The following LMX1B variants were observed in gnomAD, a reference collection of about 807,000 sequenced individuals.
LMX1B encodes the protein LIM homeobox transcription factor 1 beta, also known as LIM homeobox transcription factor 1-beta.
Under a neutral mutation model 51.4 loss-of-function variants are expected in LMX1B, and 12 were observed. The ratio of observed to expected loss-of-function variants is 0.23; its 90% CI spans 0.15 to 0.38. The LOEUF (loss-of-function observed/expected upper bound fraction) is 0.38, where lower values mean the gene tolerates loss of function less well. Ranked by LOEUF, LMX1B falls within the 10% of genes least tolerant of loss-of-function variation. The pLI, the probability that LMX1B is intolerant of heterozygous loss-of-function variation, is 1.00. For synonymous variants in LMX1B, 237 were observed against 235.4 expected, an observed-to-expected ratio of 1.01 and a Z score of -0.06; for missense variants, 445 against 571.1, an observed-to-expected ratio of 0.78 and a Z score of 2.25.
At position 126,615,732 on chromosome 9, in the gene LMX1B, C is replaced by G. The variant is rs1221208513; in HGVS notation, c.326+163C>G. ...CTGCGCGTCTTGGGGCTGGGGCGGA[C>G]CAGCCCAGCCCAGCGGGCACTGATG... On this transcript the variant is annotated intron_variant, in intron 2 of 7. Transcript: ENST00000373474. The surrounding 1 kb of genome is among the most constrained non-coding windows in gnomAD (Gnocchi z 6.0). 6.6e-6 allele frequency among the ~76,000 whole-genome samples: 1 copy of G among 152,006 alleles called. No homozygotes were observed. Among genetic ancestry groups the G allele is most frequent in the African/African-American group, 2.4e-5 (1 of 41,416 alleles).
At chr9:126,670,859 C>T (rs10118627) in intron 2 of LMX1B, among the ~76,000 whole-genome samples, 11,130 of 152,234 alleles carry the variant, frequency 0.073, 1,346 homozygotes, top group African/African-American at 0.25. Context: ...AGTCGCAGTT[C>T]CCAAGAACCC....
Position 126,691,252 on chromosome 9 carries a change from A to G in LMX1B, c.559+184A>G, listed in dbSNP as rs1175688739. Among the ~76,000 whole-genome samples the G allele has an allele frequency of 2.6e-5, 4 of 152,116 alleles. No individual in the cohort carries two copies. The East Asian group carries it at 5.8e-4, about 22-fold the overall frequency. On this transcript the variant is annotated intron_variant, in intron 3 of 7. Coordinates refer to ENST00000373474, the MANE Select transcript of LMX1B (RefSeq NM_001174147.2). ...CCACCTGTGTGCACATGATACGAAC[A>G]TGCATCCCCCCAGGCACACTACCCC...
At chr9:126,621,098 AAAAT>A (rs1835402411) in intron 2 of LMX1B, among the ~76,000 whole-genome samples, 2 of 152,198 alleles carry the variant, frequency 1.3e-5, no homozygotes, top group Non-Finnish European at 2.9e-5. Context: ...GAGTTTCTAA[AAAAT>A]AAAGAAAAGG....
rs539193509 is a variant in LMX1B, at chr9:126,625,188, G to C, written c.326+9619G>C. ...ACCCCTTCCGAGGACGGCGGGAAGA[G>C]GGGGCTCCGGCCCTGTAGCCCCCTG... On this transcript the variant is annotated intron_variant, in intron 2 of 7. Transcript: ENST00000373474. This position sits in a 1 kb window ranked among gnomAD's most constrained non-coding sequence, Gnocchi z 5.3. 6.6e-6 allele frequency among the ~76,000 whole-genome samples: 1 copy of C among 152,384 alleles called. No individual in the cohort carries two copies. The highest frequency in any genetic ancestry group is 1.5e-5 in the Non-Finnish European group (1 of 68,034).
At chr9:126,649,960 T>C (rs115050703) in intron 2 of LMX1B, among the ~76,000 whole-genome samples, 2,549 of 152,304 alleles carry the variant, frequency 0.017, 84 homozygotes, top group African/African-American at 0.057. Context: ...ACAAATTTTG[T>C]ACTGTTCTCA....
At position 126,690,714 on chromosome 9, in the gene LMX1B, G is replaced by C; in HGVS notation, c.327-122G>C. Reference sequence around the variant, plus strand: ...TGCTGTCTGACCTGGTGCCCAAGGAGGGCCTCTCCCTCCCACCTGGGCCTG... The same window carrying C: ...TGCTGTCTGACCTGGTGCCCAAGGACGGCCTCTCCCTCCCACCTGGGCCTG... On this transcript the variant is annotated intron_variant, in intron 2 of 7. Transcript: ENST00000373474. 7.6e-6 allele frequency: 6 copies of C among 794,388 alleles called. No homozygotes were observed. The Admixed American group carries it at 1.3e-4, about 17-fold the overall frequency. The allele number at this position is 794,388 out of a possible 1,614,324, so 49.2% of individuals were successfully genotyped here.
chr9:126,693,619 A>G lies in LMX1B; in HGVS notation c.819+18A>G, dbSNP rs1257599864. The stretch of plus-strand genomic sequence containing the variant: ...GAGCAAAGGTAAGAGGCCACCCCCC[A>G]TCCCCACTGGCCCCGGGTAGGGTGG... On this transcript the variant is annotated intron_variant, in intron 5 of 7. Transcript: ENST00000373474. 13 of 1,613,400 alleles carry G rather than the reference A, an allele frequency of 8.1e-6. No individual in the cohort carries two copies. Among genetic ancestry groups the G allele is most frequent in the Admixed American group, 3.3e-5 (2 of 59,990 alleles).
intron 2 of LMX1B, among the ~76,000 whole-genome samples, chr9:126,636,517 G>T (rs891003206): frequency 1.7e-4 from 26 of 152,100 alleles, no homozygotes; most frequent in Admixed American, 1.6e-3. Context: ...AAGCAGGGGG[G>T]TGTCATGTCA....
In LMX1B at chr9:126,699,688, G is replaced by T. The variant is rs917438092; in HGVS notation, c.*3237G>T. Reference sequence around the variant, plus strand: ...CCTAGAAGGAAAGCCAGACTCTCCGGCCCAGCCAGAGAGTCCAGACATGGC... The same window carrying T: ...CCTAGAAGGAAAGCCAGACTCTCCGTCCCAGCCAGAGAGTCCAGACATGGC... On this transcript the variant is annotated 3_prime_UTR_variant, in exon 8 of 8. Transcript: ENST00000373474. The T allele has an allele frequency of 6.6e-6, 1 of 152,260 alleles. No individual in the cohort carries two copies. The highest frequency in any genetic ancestry group is 1.5e-5 in the Non-Finnish European group (1 of 68,108). 9.4% of individuals were successfully genotyped at this position (152,260 alleles called of 1,614,324 possible). A position where few individuals can be genotyped will look rare whatever the true frequency, so the allele number is the denominator to read the frequency against.
intron 1 of LMX1B, among the ~76,000 whole-genome samples, chr9:126,614,883 G>C (rs75894916): frequency 6.6e-6 from 1 of 152,082 alleles, no homozygotes; most frequent in Admixed American, 6.5e-5. Flanking sequence ...GGAGGACCTA[G>C]CAATCACCTT....
intron 2 of LMX1B, among the ~76,000 whole-genome samples, chr9:126,665,238 C>T (rs939710363): frequency 1.3e-5 from 2 of 152,214 alleles, no homozygotes; most frequent in Non-Finnish European, 2.9e-5. Context: ...CACGGTCCAT[C>T]GTAACCTGAT....
rs917073629 is a variant in LMX1B, at chr9:126,658,018, C to A, written c.327-32818C>A. ...TCCAGAAGAGGCTGGGCAAGAGGCCCTACTTAGGTCCTTGCTTGGGGGAAT... is the reference window on the plus strand; with the variant it reads ...TCCAGAAGAGGCTGGGCAAGAGGCCATACTTAGGTCCTTGCTTGGGGGAAT... On this transcript the variant is annotated intron_variant, in intron 2 of 7. Transcript: ENST00000373474. This position sits in a 1 kb window ranked among gnomAD's most constrained non-coding sequence, Gnocchi z 4.0. Among the ~76,000 whole-genome samples, 7 of 152,136 alleles carry A rather than the reference C, an allele frequency of 4.6e-5. No homozygotes were observed. Among genetic ancestry groups the A allele is most frequent in the East Asian group, 1.9e-4 (1 of 5,186 alleles).
chr9:126,662,151 G>A (rs968785874), intron 2 of LMX1B, among the ~76,000 whole-genome samples: 1 of 152,180 alleles, frequency 6.6e-6, no homozygotes, highest in African/African-American at 2.4e-5. Flanking sequence ...TGCCCGCTGT[G>A]TGTCCTTATG....
rs1048160366 is a variant in LMX1B, at chr9:126,700,758, A to G, written c.*4307A>G. 8.5e-5 allele frequency: 13 copies of G among 152,222 alleles called. No homozygotes were observed. Among genetic ancestry groups the G allele is most frequent in the Non-Finnish European group, 1.5e-4 (10 of 68,036 alleles). The allele number at this position is 152,222 out of a possible 1,614,324, so 9.4% of individuals were successfully genotyped here. On this transcript the variant is annotated 3_prime_UTR_variant, in exon 8 of 8. Coordinates refer to ENST00000373474, the MANE Select transcript of LMX1B (RefSeq NM_001174147.2). ...TCCCCCGACCCCACCTGGGGGTCCC[A>G]TGGGAGCCCAGCCCAGCCAGGTGTG...
chr9:126,670,126 A>G (rs1216170787), intron 2 of LMX1B, among the ~76,000 whole-genome samples: 1 of 152,154 alleles, frequency 6.6e-6, no homozygotes, highest in Non-Finnish European at 1.5e-5. Flanking sequence ...CGTGTGCCTC[A>G]ATCTCCCAGA....
intron 2 of LMX1B, among the ~76,000 whole-genome samples, chr9:126,624,484 G>T (rs911877366): frequency 6.6e-6 from 1 of 152,158 alleles, no homozygotes; most frequent in Non-Finnish European, 1.5e-5. Context: ...GAAAATTAGG[G>T]GTTGCGGGGG....
chr9:126,694,801 C>T (rs975703132), intron 6 of LMX1B, among the ~76,000 whole-genome samples: 1 of 152,156 alleles, frequency 6.6e-6, no homozygotes, highest in Non-Finnish European at 1.5e-5. Context: ...CCTCTGGTCT[C>T]CCAGCCATGT....
intron 2 of LMX1B, among the ~76,000 whole-genome samples, chr9:126,616,086 C>A (rs1366866963): frequency 6.6e-6 from 1 of 152,160 alleles, no homozygotes; most frequent in African/African-American, 2.4e-5. Flanking sequence ...CACTTTTAGT[C>A]CCTGATGGAG....
chr9:126,669,458 G>A (rs558469230), intron 2 of LMX1B, among the ~76,000 whole-genome samples: 1 of 152,184 alleles, frequency 6.6e-6, no homozygotes, highest in Non-Finnish European at 1.5e-5. Context: ...TTGTATGAGC[G>A]CATGTGTGTG....
Sources: gnomAD v4.1 joint callset for allele counts (sites outside exome capture counted in the v4.1 genomes callset) on GRCh38, gnomAD v4.1.1 for gene constraint, Gnocchi (gnomAD v3.1) non-coding constraint, MANE v1.5 for transcripts, NCBI Gene and HGNC (gene_info 2026-07-23, HGNC 2026-07-21) for gene names.